Variants in ZDBF2 observed in about 807,000 individuals in gnomAD.
The protein encoded by ZDBF2 is DBF4-type zinc finger-containing protein 2.
A neutral mutation model predicts 9.4 loss-of-function variants in ZDBF2; 6 were observed. That is an observed-to-expected ratio of 0.64 (90% CI 0.35 to 1.27). The LOEUF is 1.27. Among genes scored for constraint, ZDBF2 ranks in the 50% most tolerant of loss-of-function variants. ZDBF2 has a pLI of 0.03. For missense variants in ZDBF2, 2,697 were observed against 2,766.8 expected, an observed-to-expected ratio of 0.97 and a Z score of 0.57; for synonymous variants, 905 against 946.3, an observed-to-expected ratio of 0.96 and a Z score of 0.80.
In ZDBF2 at chr2:206,311,236, T is replaced by C; in HGVS notation, c.6708T>C (p.His2236=). 1.2e-6 allele frequency: 2 copies of C among 1,611,722 alleles called. No homozygotes were observed. The highest frequency in any genetic ancestry group is 4.5e-5 in the East Asian group (2 of 44,862). The part of the protein sequence containing the change: ...YISKYSVFLR[H]RYQSRSAFLG... ...CGAAATACTCTGTCTTTTTACGTCA[T>C]AGATATCAGTCCAGGAGCGCTTTTC... Residue 2236 remains histidine (H), a synonymous_variant, in exon 5 of 5, where the codon CAT becomes CAC. Transcript: ENST00000374423.
In ZDBF2 at chr2:206,305,318, A is replaced by G. The variant is rs775042462; in HGVS notation, c.790A>G (p.Met264Val). The G allele has an allele frequency of 5.6e-6, 9 of 1,612,328 alleles. No homozygotes were observed. The Admixed American group carries it at 1.5e-4, about 27-fold the overall frequency. ...HKESNRKSLR[M>V]NSDKLVLWKD... ...AGAATCAAATAGGAAATCTTTACGC[A>G]TGAATTCAGATAAGTTGGTTTTGTG... Residue 264 changes from methionine (M) to valine (V), a missense_variant, in exon 5 of 5, where the codon ATG (methionine) becomes GTG (valine). Transcript: ENST00000374423.
rs749924830 is a variant in ZDBF2, at chr2:206,304,893, A to G, written c.365A>G (p.His122Arg). ...ATTGAAGAGTTACATTCCAGACCTC[A>G]TAAATCTCAGGAAGGCACGCAGGAG... ...EPIEELHSRPHKSQEGTQEVS... is the reference protein window; with the variant it reads ...EPIEELHSRPRKSQEGTQEVS... Residue 122 changes from histidine to arginine, a missense_variant, in exon 5 of 5, where the codon CAT (histidine) becomes CGT (arginine). Physicochemically the swap from His to Arg is conservative, Grantham distance 29. Around this residue, in one of 3 missense-constraint regions of ZDBF2, gnomAD observed 910 missense variants for 973.6 expected, o/e 0.93. Transcript: ENST00000374423. The G allele has an allele frequency of 7.4e-6, 12 of 1,613,682 alleles. No individual in the cohort carries two copies. Among genetic ancestry groups the G allele is most frequent in the Middle Eastern group, 3.3e-4 (2 of 6,060 alleles).
At chr2:206,298,341 G>A (rs193182635) in intron 4 of ZDBF2, among the ~76,000 whole-genome samples, 1 of 152,178 alleles carries the variant, frequency 6.6e-6, no homozygotes, top group Non-Finnish European at 1.5e-5. Context: ...TAACTGAGAT[G>A]TGCACCAGTT....
intron 2 of ZDBF2, among the ~76,000 whole-genome samples, chr2:206,280,389 C>T (rs1370120601): frequency 6.6e-6 from 1 of 152,094 alleles, no homozygotes; most frequent in African/African-American, 2.4e-5. Context: ...TTACTTTTGT[C>T]CTTTATTCAA....
In ZDBF2 at chr2:206,314,138, C is replaced by G. The variant is rs569785157; in HGVS notation, c.*2545C>G. 1.3e-5 allele frequency: 2 copies of G among 151,902 alleles called. No homozygotes were observed. The highest frequency in any genetic ancestry group is 4.2e-4 in the South Asian group (2 of 4,814). 9.4% of individuals were successfully genotyped at this position (151,902 alleles called of 1,614,324 possible). On this transcript the variant is annotated 3_prime_UTR_variant, in exon 5 of 5. Coordinates refer to ENST00000374423, the MANE Select transcript of ZDBF2 (RefSeq NM_020923.3). ...TGAGTATTTTAATCTTGTTCTTGTTCAGTATTTTGCGTAGATTTTTATTGT... is the reference window on the plus strand; with the variant it reads ...TGAGTATTTTAATCTTGTTCTTGTTGAGTATTTTGCGTAGATTTTTATTGT...
intron 2 of ZDBF2, among the ~76,000 whole-genome samples, chr2:206,280,815 T>C (rs1691275936): frequency 1.3e-5 from 2 of 152,226 alleles, no homozygotes; most frequent in African/African-American, 4.8e-5. Flanking sequence ...ATTAAATTTT[T>C]TCCATTGCAG....
chr2:206,286,455 T>C (rs1251919641), intron 3 of ZDBF2, among the ~76,000 whole-genome samples: 1 of 152,194 alleles, frequency 6.6e-6, no homozygotes, highest in Non-Finnish European at 1.5e-5. Flanking sequence ...AGTTTTTGAC[T>C]TAAAGTCTGT....
At chr2:206,285,224 A>G (rs891306637) in intron 3 of ZDBF2, among the ~76,000 whole-genome samples, 1 of 152,180 alleles carries the variant, frequency 6.6e-6, no homozygotes, top group Non-Finnish European at 1.5e-5. Context: ...GAGAACATTT[A>G]TACTCTTTTC....
rs561231274 is a variant in ZDBF2 at position 206,310,755 on chromosome 2, G to A, written c.6227G>A (p.Arg2076His). The A allele has an allele frequency of 1.7e-5, 27 of 1,613,838 alleles. No homozygotes were observed. The highest frequency in any genetic ancestry group is 3.3e-5 in the South Asian group (3 of 91,076). ...LSVIVPEFERRNWVKIHFNRS... is the reference protein window; with the variant it reads ...LSVIVPEFERHNWVKIHFNRS... Reference sequence around the variant, plus strand: ...GTAATAGTACCAGAGTTTGAGAGGCGTAACTGGGTTAAAATTCATTTTAAT... The same window carrying A: ...GTAATAGTACCAGAGTTTGAGAGGCATAACTGGGTTAAAATTCATTTTAAT... The change falls in exon 5 of 5, where the codon CGT becomes CAT. Residue 2076 changes from arginine to histidine, a missense_variant. Around this residue, in one of 3 missense-constraint regions of ZDBF2, gnomAD observed 1,783 missense variants for 1,776.5 expected, o/e 1.00. Transcript: ENST00000374423.
At chr2:206,290,449 A>G (rs189835273) in intron 3 of ZDBF2, among the ~76,000 whole-genome samples, 1 of 152,350 alleles carries the variant, frequency 6.6e-6, no homozygotes, top group African/African-American at 2.4e-5. Context: ...TGGGGAATGT[A>G]TATCTTAATA....
chr2:206,305,696 G>A lies in ZDBF2; in HGVS notation c.1168G>A (p.Glu390Lys). Residue 390 changes from glutamate to lysine, a missense_variant, in exon 5 of 5, where the codon GAG becomes AAG. Transcript: ENST00000374423. ...TGCACAAGACTTAAGTCTTTGGAAG[G>A]AGGAGCAAATTGACCAAGAAGATAA... is the stretch of plus-strand genomic sequence containing the variant. ...ETAQDLSLWK[E>K]EQIDQEDNYE... The A allele has an allele frequency of 6.2e-7, 1 of 1,613,714 alleles. No individual in the cohort carries two copies. The highest frequency in any genetic ancestry group is 1.7e-5 in the Admixed American group (1 of 59,948).
chr2:206,286,018 G>A (rs970696053), intron 3 of ZDBF2, among the ~76,000 whole-genome samples: 1 of 152,168 alleles, frequency 6.6e-6, no homozygotes, highest in Non-Finnish European at 1.5e-5. Flanking sequence ...ATTTTCAGAA[G>A]TTCCTCTTGT....
chr2:206,302,136 G>A (rs1389080710), intron 4 of ZDBF2, among the ~76,000 whole-genome samples: 1 of 151,876 alleles, frequency 6.6e-6, no homozygotes. Flanking sequence ...AGCCTCTTGA[G>A]TATCTGGGAC....
At chr2:206,303,985 A>AT (rs879263540) in intron 4 of ZDBF2, among the ~76,000 whole-genome samples, 5 of 152,174 alleles carry the variant, frequency 3.3e-5, no homozygotes, top group Non-Finnish European at 5.9e-5. Flanking sequence ...GTCATTTGCT[A>AT]TTACCCCTCC....
chr2:206,275,028 C>T (rs917291179), intron 1 of ZDBF2, 82 bp downstream of exon 1: 4 of 150,926 alleles, frequency 2.7e-5, no homozygotes, highest in Admixed American at 2.0e-4. Context: ...GGGGCGCCTT[C>T]TTCCCGAGGG....
chr2:206,302,367 G>T (rs1574410800), intron 4 of ZDBF2, among the ~76,000 whole-genome samples: 1 of 152,038 alleles, frequency 6.6e-6, no homozygotes, highest in East Asian at 1.9e-4. Context: ...TTTTGTTGTT[G>T]TGTGGTTACA....
At position 206,310,307 on chromosome 2, in the gene ZDBF2, C is replaced by G. The variant is rs200920419; in HGVS notation, c.5779C>G (p.Pro1927Ala). 7.4e-5 allele frequency: 120 copies of G among 1,613,914 alleles called. No homozygotes were observed. The East Asian group carries it at 2.2e-3, about 29-fold the overall frequency. Residue 1927 changes from proline (P) to alanine (A), a missense_variant, in exon 5 of 5, where the codon CCT (proline) becomes GCT (alanine). By Grantham distance (27) the Pro-to-Ala change is conservative. Transcript: ENST00000374423. The part of the protein sequence containing the change: ...CHRHPPAERP[P>A]KQKGRVASQC... The stretch of plus-strand genomic sequence containing the variant: ...TCGTCATCCTCCAGCAGAGAGGCCT[C>G]CTAAGCAAAAGGGGCGTGTGGCTTC...
intron 3 of ZDBF2, among the ~76,000 whole-genome samples, chr2:206,290,739 A>AT (rs1372069260): frequency 1.3e-5 from 2 of 151,930 alleles, no homozygotes; most frequent in Non-Finnish European, 2.9e-5. Context: ...AATGCTAATA[A>AT]TTTTTTTTGT....
chr2:206,292,620 A>G (rs1184504268), intron 3 of ZDBF2, among the ~76,000 whole-genome samples: 1 of 152,168 alleles, frequency 6.6e-6, no homozygotes, highest in East Asian at 1.9e-4. Flanking sequence ...ATGATGGTGG[A>G]CATAAAAACT....
Sources: gnomAD v4.1 joint callset for allele counts (sites outside exome capture counted in the v4.1 genomes callset) on GRCh38, gnomAD v4.1.1 for gene constraint, gnomAD v4.1.1 regional missense constraint, MANE v1.5 for transcripts, NCBI Gene and HGNC (gene_info 2026-07-23, HGNC 2026-07-21) for gene names.